Variants in COG4 observed in about 807,000 individuals in gnomAD.
The protein encoded by COG4 is conserved oligomeric Golgi complex subunit 4.
A neutral mutation model predicts 95.1 loss-of-function variants in COG4; 65 were observed. The observed-to-expected ratio is 0.68, with a 90% CI of 0.56 to 0.84. COG4 has a LOEUF of 0.84. Ranked by LOEUF, COG4 falls within the 40% of genes least tolerant of loss-of-function variation. The pLI, the probability that COG4 is intolerant of heterozygous loss-of-function variation, is 0.00. For missense variants in COG4, 1,045 were observed against 989.1 expected, an observed-to-expected ratio of 1.06 and a Z score of -0.76; for synonymous variants, 421 against 374.8, an observed-to-expected ratio of 1.12 and a Z score of -1.42.
At chr16:70,511,551 A>T (rs1172248791) in intron 5 of COG4, among the ~76,000 whole-genome samples, 13 of 146,284 alleles carry the variant, frequency 8.9e-5, no homozygotes, top group African/African-American at 2.7e-4. Flanking sequence ...CGTTTCTATA[A>T]AAAAAAAAAA....
At position 70,480,794 on chromosome 16, in the gene COG4, T is replaced by A; in HGVS notation, c.*216A>T. ...TCCCACCTCATTAGGAGCCCGCTTC[T>A]CTCGGTGGGGAGATGCTGCCCCCAG... On this transcript the variant is annotated 3_prime_UTR_variant, in exon 19 of 19. Coordinates refer to ENST00000323786, the MANE Select transcript of COG4 (RefSeq NM_015386.3). 1.7e-6 allele frequency: 1 copy of A among 593,372 alleles called. No homozygotes were observed. The highest frequency in any genetic ancestry group is 3.0e-5 in the Admixed American group (1 of 33,226). The allele number at this position is 593,372 out of a possible 1,614,324, so 36.8% of individuals were successfully genotyped here. A position where few individuals can be genotyped will look rare whatever the true frequency, so the allele number is the denominator to read the frequency against.
At position 70,512,282 on chromosome 16, in the gene COG4, T is replaced by A. The variant is rs1404254591; in HGVS notation, c.695A>T (p.His232Leu). The change falls in exon 5 of 19, where the codon CAT (histidine) becomes CTT (leucine). Residue 232 changes from histidine to leucine, a missense_variant. By Grantham distance (99) the His-to-Leu change is moderately conservative. Coordinates refer to ENST00000323786, the MANE Select transcript of COG4 (RefSeq NM_015386.3). ...CGAGAACTTTCTTAATCCCTCCTCA[T>A]GCAAACCCAGCAGTGGGAAGATCTT... The part of the protein sequence containing the change: ...FFKIFPLLGL[H>L]EEGLRKFSEY... The A allele has an allele frequency of 1.2e-6, 2 of 1,614,170 alleles. No homozygotes were observed. The highest frequency in any genetic ancestry group is 1.7e-6 in the Non-Finnish European group (2 of 1,180,022).
At chr16:70,519,767 T>C (rs762497409) in intron 1 of COG4, 36 bp from the exon 2 acceptor site, 1 of 1,487,472 alleles carries the variant, frequency 6.7e-7, no homozygotes, top group Non-Finnish European at 9.4e-7. Context: ...AGCAGAATGA[T>C]CAGAAGGAAC....
At chr16:70,483,592 C>T (rs1034519557) in intron 14 of COG4, among the ~76,000 whole-genome samples, 1 of 152,142 alleles carries the variant, frequency 6.6e-6, no homozygotes, top group Non-Finnish European at 1.5e-5. Flanking sequence ...CTCTGAGCAT[C>T]TTCTGAGAGC....
intron 4 of COG4, among the ~76,000 whole-genome samples, chr16:70,513,223 G>A (rs1382470127): frequency 6.6e-6 from 1 of 152,238 alleles, no homozygotes; most frequent in Admixed American, 6.5e-5. Context: ...CTTGCACAAT[G>A]AGTGGATGCA....
At chr16:70,509,136 C>T in intron 7 of COG4, 95 bp downstream of exon 7, 1 of 1,501,186 alleles carries the variant, frequency 6.7e-7, no homozygotes, top group Non-Finnish European at 9.3e-7. Context: ...CTGTCTGCAC[C>T]TTTTTTTTCA....
At chr16:70,489,718 C>A (rs115067154) in intron 13 of COG4, among the ~76,000 whole-genome samples, 5 of 151,570 alleles carry the variant, frequency 3.3e-5, no homozygotes, top group East Asian at 3.9e-4. Context: ...CAAGCTAGGG[C>A]TGGATGGAGC....
At chr16:70,506,618 C>CAAAAAAAAAAAAAA (rs1212409898) in intron 8 of COG4, among the ~76,000 whole-genome samples, 1 of 59,910 alleles carries the variant, frequency 1.7e-5, no homozygotes, top group Non-Finnish European at 2.9e-5. Flanking sequence ...AAAAAAAAAA[C>CAAAAAAAAAAAAAA]AAAAAAAAAA....
At chr16:70,500,696 T>C (rs1380080978) in intron 9 of COG4, among the ~76,000 whole-genome samples, 2 of 152,082 alleles carry the variant, frequency 1.3e-5, no homozygotes, top group African/African-American at 2.4e-5. Flanking sequence ...GAACACTTCA[T>C]TGAAGTATAA....
At chr16:70,501,174 T>A (rs1209361928) in intron 8 of COG4, 83 bp from the exon 9 acceptor site, 13 of 1,501,080 alleles carry the variant, frequency 8.7e-6, no homozygotes, top group Non-Finnish European at 1.1e-5. Flanking sequence ...AGTCCCAAAT[T>A]CCCCCTCCCC....
At chr16:70,522,395 T>A (rs1004457542) in intron 1 of COG4, among the ~76,000 whole-genome samples, 1 of 152,194 alleles carries the variant, frequency 6.6e-6, no homozygotes, top group Non-Finnish European at 1.5e-5. Flanking sequence ...GTTTCATCCA[T>A]TCTGATTGCA....
At position 70,509,281 on chromosome 16, in the gene COG4, C is replaced by T. The variant is rs2049647804; in HGVS notation, c.952G>A (p.Val318Met). The T allele has an allele frequency of 1.2e-6, 2 of 1,614,200 alleles. No individual in the cohort carries two copies. The highest frequency in any genetic ancestry group is 1.7e-6 in the Non-Finnish European group (2 of 1,180,044). ...KYLQVECDRQVEKVVDKFIKQ... is the reference protein window; with the variant it reads ...KYLQVECDRQMEKVVDKFIKQ... ...ATGAACTTGTCTACCACCTTCTCCA[C>T]CTGTCTGTCACATTCCACCTGCAGA... The change falls in exon 7 of 19, where the codon GTG becomes ATG. Residue 318 changes from valine to methionine, a missense_variant. By Grantham distance (21) the Val-to-Met change is conservative. Coordinates refer to ENST00000323786, the MANE Select transcript of COG4 (RefSeq NM_015386.3).
rs893205800 is a variant in COG4 at position 70,496,376 on chromosome 16, T to A, written c.1537A>T (p.Ile513Phe). 41 of 1,614,066 alleles carry A rather than the reference T, an allele frequency of 2.5e-5. No individual in the cohort carries two copies. The highest frequency in any genetic ancestry group is 3.2e-5 in the Non-Finnish European group (38 of 1,180,044). ...ACGGCACTTGTCACCCCGCGCTGGA[T>A]GTCCTGGAAGGTGGTGGCAGGAAAG... ...MGFPATTFQD[I>F]QRGVTSAVNI... The change falls in exon 12 of 19, where the codon ATC (isoleucine) becomes TTC (phenylalanine). Residue 513 changes from isoleucine (I) to phenylalanine (F), a missense_variant. Physicochemically the swap from Ile to Phe is conservative, Grantham distance 21 (BLOSUM62 0). Coordinates refer to ENST00000323786, the MANE Select transcript of COG4 (RefSeq NM_015386.3).
At chr16:70,492,877 C>A (rs2049272641) in intron 12 of COG4, among the ~76,000 whole-genome samples, 1 of 152,002 alleles carries the variant, frequency 6.6e-6, no homozygotes, top group Middle Eastern at 3.4e-3. Context: ...GCAGGAGAAT[C>A]GCTTGAACCT....
intron 8 of COG4, among the ~76,000 whole-genome samples, chr16:70,503,873 C>T (rs1414173886): frequency 1.3e-5 from 2 of 151,782 alleles, no homozygotes; most frequent in Non-Finnish European, 2.9e-5. Context: ...GGATTACAGG[C>T]GTGAGCCACC....
Position 70,512,231 on chromosome 16 carries a change from G to A in COG4, c.738+8C>T. ...ACAATTATCCTGCCAAGCAATCAGG[G>A]TCCATACCTGCTTGCAAAGGTACTC... On this transcript the variant is annotated splice_region_variant and intron_variant, in intron 5 of 18. Transcript: ENST00000323786. 5.6e-6 allele frequency: 9 copies of A among 1,612,862 alleles called. No homozygotes were observed. The highest frequency in any genetic ancestry group is 7.6e-6 in the Non-Finnish European group (9 of 1,178,884).
At chr16:70,498,079 T>C in intron 9 of COG4, 24 bp from the exon 10 acceptor site, 2 of 1,490,880 alleles carry the variant, frequency 1.3e-6, no homozygotes, top group Non-Finnish European at 9.4e-7. Context: ...AAGAAAGGAA[T>C]ACTCATTTTT....
intron 16 of COG4, 70 bp from the exon 17 acceptor site, chr16:70,481,935 G>A: frequency 6.8e-7 from 1 of 1,465,624 alleles, no homozygotes; most frequent in Non-Finnish European, 9.5e-7. Context: ...AGTCTTAGGT[G>A]GTGAGGATAG....
chr16:70,484,732 C>T (rs563544608), intron 13 of COG4, among the ~76,000 whole-genome samples: 45 of 152,222 alleles, frequency 3.0e-4, no homozygotes, highest in African/African-American at 1.1e-3. Flanking sequence ...GAAGCCGTCT[C>T]CACAGAAAAT....
Sources: gnomAD v4.1 joint callset for allele counts (sites outside exome capture counted in the v4.1 genomes callset) on GRCh38, gnomAD v4.1.1 for gene constraint, MANE v1.5 for transcripts, NCBI Gene and HGNC (gene_info 2026-07-23, HGNC 2026-07-21) for gene names.